The following GRID2 variants were observed in gnomAD, a reference collection of about 807,000 sequenced individuals.
GRID2 encodes the protein glutamate receptor ionotropic, delta-2.
GRID2 carries 33 observed loss-of-function variants against 114.8 expected under a neutral mutation model. That is an observed-to-expected ratio of 0.29 (90% CI 0.22 to 0.38). The LOEUF is 0.38. GRID2 is among the 10% of genes least tolerant of loss of function. The probability of loss-of-function intolerance (pLI) is 1.00; values close to 1 mark genes in which losing one functional copy is unlikely to be tolerated. For missense variants in GRID2, 1,184 were observed against 1,257.7 expected, an observed-to-expected ratio of 0.94 and a Z score of 0.89; for synonymous variants, 505 against 449.9, an observed-to-expected ratio of 1.12 and a Z score of -1.55.
chr4:93,267,428 T>A (rs531636596), intron 8 of GRID2, among the ~76,000 whole-genome samples: 6 of 152,250 alleles, frequency 3.9e-5, no homozygotes, highest in Admixed American at 3.3e-4. Flanking sequence ...ACCACTGCTG[T>A]GTCAAAGACC....
Position 93,071,937 on chromosome 4 carries a change from G to A in GRID2, c.245-13058G>A, listed in dbSNP as rs199731331. Among the ~76,000 whole-genome samples, 12 of 152,262 alleles carry A rather than the reference G, an allele frequency of 7.9e-5. No individual in the cohort carries two copies. In the East Asian group the frequency reaches 2.1e-3, roughly 27 times the overall value. On this transcript the variant is annotated intron_variant, in intron 2 of 15. Transcript: ENST00000282020. Reference sequence around the variant, plus strand: ...TAATCAAAACTACTACTTGAAGTCTGTTTAAATGTAATTAAAAACAGTGAC... The same window carrying A: ...TAATCAAAACTACTACTTGAAGTCTATTTAAATGTAATTAAAAACAGTGAC...
At chr4:92,352,227 C>T (rs1023404471) in intron 1 of GRID2, among the ~76,000 whole-genome samples, 3 of 151,790 alleles carry the variant, frequency 2.0e-5, no homozygotes, top group Admixed American at 6.6e-5. Flanking sequence ...TTTTGATTTA[C>T]ATTACTCTTA....
At chr4:93,078,827 ATTATATT>A (rs1729598670) in intron 2 of GRID2, among the ~76,000 whole-genome samples, 1 of 146,716 alleles carries the variant, frequency 6.8e-6, no homozygotes, top group South Asian at 2.1e-4. Context: ...ACTAAATATA[ATTATATT>A]TAGTATATTT....
chr4:93,788,431 G>T (rs921117981), intron 1 of GRID2, among the ~76,000 whole-genome samples: 10 of 152,044 alleles, frequency 6.6e-5, no homozygotes, highest in African/African-American at 2.4e-4. Flanking sequence ...ATACAAAAAA[G>T]ATAAGTATGA....
intron 2 of GRID2, among the ~76,000 whole-genome samples, chr4:92,880,741 A>G (rs904150073): frequency 6.6e-6 from 1 of 152,026 alleles, no homozygotes; most frequent in Non-Finnish European, 1.5e-5. Context: ...TTTATTTTGG[A>G]CATAATTTTG....
At chr4:93,203,377 A>G (rs887288550) in intron 4 of GRID2, among the ~76,000 whole-genome samples, 3 of 152,182 alleles carry the variant, frequency 2.0e-5, no homozygotes, top group African/African-American at 7.2e-5. Context: ...AGTTGTGTAT[A>G]TTACATATAC....
chr4:92,925,739 A>C (rs1749760766), intron 2 of GRID2, among the ~76,000 whole-genome samples: 1 of 152,124 alleles, frequency 6.6e-6, no homozygotes, highest in South Asian at 2.1e-4. Context: ...ACCCAAAGTT[A>C]TATTTGATAG....
intron 8 of GRID2, among the ~76,000 whole-genome samples, chr4:93,385,662 T>C (rs536759041): frequency 1.3e-5 from 2 of 152,110 alleles, no homozygotes; most frequent in Non-Finnish European, 2.9e-5. Context: ...TAATCCTTAC[T>C]AATAATAATA....
intron 2 of GRID2, among the ~76,000 whole-genome samples, chr4:93,006,694 C>T (rs1489144041): frequency 6.6e-6 from 1 of 150,408 alleles, no homozygotes; most frequent in East Asian, 1.9e-4. Flanking sequence ...CTACACAAGA[C>T]AATGTTCATG....
chr4:92,778,586 A>G, intron 2 of GRID2, among the ~76,000 whole-genome samples: 1 of 152,254 alleles, frequency 6.6e-6, no homozygotes, highest in East Asian at 1.9e-4. Context: ...TTAATATACT[A>G]AACGGTATAT....
At chr4:92,528,937 T>G (rs1725177368) in intron 1 of GRID2, among the ~76,000 whole-genome samples, 1 of 152,024 alleles carries the variant, frequency 6.6e-6, no homozygotes, top group South Asian at 2.1e-4. Context: ...AAAAGTCTTT[T>G]CATATACAGC....
chr4:92,855,124 A>T (rs1013555628), intron 2 of GRID2, among the ~76,000 whole-genome samples: 55 of 152,052 alleles, frequency 3.6e-4, no homozygotes, highest in African/African-American at 1.3e-3. Flanking sequence ...GGATGTCCCA[A>T]ATCTAGCATT....
chr4:93,258,569 TAA>T (rs1749883286), intron 8 of GRID2, among the ~76,000 whole-genome samples: 1 of 151,776 alleles, frequency 6.6e-6, no homozygotes, highest in Admixed American at 6.6e-5. Flanking sequence ...CTCAGAGTTG[TAA>T]AGAGACAAAT....
At chr4:93,522,119 G>A (rs559905505) in intron 13 of GRID2, among the ~76,000 whole-genome samples, 3 of 152,176 alleles carry the variant, frequency 2.0e-5, no homozygotes, top group Admixed American at 1.3e-4. Flanking sequence ...ACAGGTAGAC[G>A]GTTTGGACTT....
intron 2 of GRID2, among the ~76,000 whole-genome samples, chr4:92,828,567 C>T (rs1741890297): frequency 6.6e-6 from 1 of 151,954 alleles, no homozygotes; most frequent in South Asian, 2.1e-4. Context: ...TGCTTTATAG[C>T]CCTGAAGAAA....
chr4:93,100,981 A>G (rs1273607534), intron 3 of GRID2, among the ~76,000 whole-genome samples: 2 of 152,052 alleles, frequency 1.3e-5, no homozygotes, highest in African/African-American at 4.8e-5. Context: ...TATCTGTAAT[A>G]CAGTCTGTGG....
intron 2 of GRID2, among the ~76,000 whole-genome samples, chr4:92,918,590 C>T (rs1201619438): frequency 6.6e-6 from 1 of 152,094 alleles, no homozygotes; most frequent in Non-Finnish European, 1.5e-5. Context: ...AAAGGCCTTT[C>T]TGCATCTATT....
intron 2 of GRID2, among the ~76,000 whole-genome samples, chr4:92,844,006 C>A (rs988494591): frequency 6.6e-6 from 1 of 152,068 alleles, no homozygotes; most frequent in African/African-American, 2.4e-5. Flanking sequence ...TATATAATAT[C>A]AAATCCCATT....
At chr4:92,738,519 AT>A (rs1736712161) in intron 2 of GRID2, among the ~76,000 whole-genome samples, 1 of 152,102 alleles carries the variant, frequency 6.6e-6, no homozygotes, top group African/African-American at 2.4e-5. Flanking sequence ...GTCTGAATGT[AT>A]TTTCTAAGTT....
Sources: gnomAD v4.1 joint callset for allele counts (sites outside exome capture counted in the v4.1 genomes callset) on GRCh38, gnomAD v4.1.1 for gene constraint, MANE v1.5 for transcripts, NCBI Gene and HGNC (gene_info 2026-07-23, HGNC 2026-07-21) for gene names.